The following MALT1 variants were observed in gnomAD, a reference collection of about 807,000 sequenced individuals.
MALT1 encodes the protein MALT1 paracaspase, also known as mucosa-associated lymphoid tissue lymphoma translocation protein 1.
Under a neutral mutation model 85.5 loss-of-function variants are expected in MALT1, and 36 were observed. The ratio of observed to expected loss-of-function variants is 0.42; its 90% CI spans 0.32 to 0.56. The LOEUF (loss-of-function observed/expected upper bound fraction) is 0.56. Ranked by LOEUF, MALT1 falls within the 20% of genes least tolerant of loss-of-function variation. The pLI is 0.10. For synonymous variants in MALT1, 359 were observed against 361.3 expected, an observed-to-expected ratio of 0.99 and a Z score of 0.07; for missense variants, 716 against 981.6, an observed-to-expected ratio of 0.73 and a Z score of 3.62.
At chr18:58,716,855 G>C (rs919890029) in intron 9 of MALT1, among the ~76,000 whole-genome samples, 1 of 151,652 alleles carries the variant, frequency 6.6e-6, no homozygotes, top group Non-Finnish European at 1.5e-5. Flanking sequence ...ATCAAAGAGA[G>C]GACAATTTAT....
chr18:58,686,514 A>T (rs1327086205), intron 2 of MALT1, among the ~76,000 whole-genome samples: 1 of 152,168 alleles, frequency 6.6e-6, no homozygotes, highest in Non-Finnish European at 1.5e-5. Context: ...GGATCTCATT[A>T]AGATGAATCC....
At chr18:58,707,481 T>C (rs2054769535) in intron 4 of MALT1, among the ~76,000 whole-genome samples, 1 of 152,116 alleles carries the variant, frequency 6.6e-6, no homozygotes, top group African/African-American at 2.4e-5. Context: ...AACGTGCAGG[T>C]TTGTTACATA....
In MALT1 at chr18:58,691,388, C is replaced by CA. The variant is rs1176771603; in HGVS notation, c.377-4976dup. On this transcript the variant is annotated intron_variant, in intron 2 of 16. Transcript: ENST00000649217. ...TGGCTCAGGCCCAGCTCCTCTGTGG[C>CA]AATGACACCAAGATCTCGGAGCAGC... 1.4e-5 allele frequency: 9 copies of CA among 621,474 alleles called. No individual in the cohort carries two copies. In the Admixed American group the frequency reaches 2.1e-4, roughly 15 times the overall value. 38.5% of individuals were successfully genotyped at this position (621,474 alleles called of 1,614,324 possible).
At chr18:58,685,464 G>A (rs2144321393) in intron 2 of MALT1, among the ~76,000 whole-genome samples, 1 of 152,308 alleles carries the variant, frequency 6.6e-6, no homozygotes, top group Admixed American at 6.5e-5. Flanking sequence ...TTGAGAAACT[G>A]ACCAAGTTTC....
chr18:58,733,773 AAC>A, intron 11 of MALT1, 199 bp downstream of exon 11: 1 of 744,308 alleles, frequency 1.3e-6, no homozygotes, highest in Non-Finnish European at 2.0e-6. Flanking sequence ...TTTGCTATAG[AAC>A]ACAAATGAAG....
intron 4 of MALT1, among the ~76,000 whole-genome samples, chr18:58,705,807 C>T (rs1195045147): frequency 6.6e-6 from 1 of 152,090 alleles, no homozygotes; most frequent in Non-Finnish European, 1.5e-5. Context: ...GTCTTCATAG[C>T]AGCATGATTT....
intron 4 of MALT1, among the ~76,000 whole-genome samples, chr18:58,708,670 G>A (rs2054791056): frequency 6.6e-6 from 1 of 152,162 alleles, no homozygotes; most frequent in Admixed American, 6.5e-5. Flanking sequence ...TAATCCTGAT[G>A]AATTAAGAGA....
At chr18:58,734,665 T>C in intron 12 of MALT1, 1 of 301,090 alleles carries the variant, frequency 3.3e-6, no homozygotes. Flanking sequence ...ACCTCCTTGA[T>C]ATTCTGCGTA....
intron 1 of MALT1, 170 bp downstream of exon 1, chr18:58,672,022 C>T (rs1429454899): frequency 2.4e-6 from 1 of 420,568 alleles, no homozygotes; most frequent in Non-Finnish European, 3.9e-6. Context: ...AGCAGCTCCC[C>T]GGAACGCCTG....
chr18:58,671,797 CG>C lies in MALT1; in HGVS notation c.158del (p.Gly53AlafsTer20). The C allele has an allele frequency of 8.0e-7, 1 of 1,250,232 alleles. No individual in the cohort carries two copies. The highest frequency in any genetic ancestry group is 3.1e-5 in the South Asian group (1 of 32,494). 77.4% of individuals were successfully genotyped at this position (1,250,232 alleles called of 1,614,324 possible). A position where few individuals can be genotyped will look rare whatever the true frequency, so the allele number is the denominator to read the frequency against. On this transcript the variant is annotated frameshift_variant, in exon 1 of 17. Transcript: ENST00000649217. LOFTEE classifies it high-confidence loss of function. The part of the protein sequence containing the change: ...SELLDQAPEG[R>X]GWRRLAELAG... ...GCTCCTGGATCAGGCGCCCGAGGGC[CG>C]GGGCTGGAGGAGACTGGCGGAGCTG...
intron 7 of MALT1, among the ~76,000 whole-genome samples, chr18:58,712,388 A>C (rs2054842582): frequency 6.6e-6 from 1 of 152,212 alleles, no homozygotes; most frequent in South Asian, 2.1e-4. Flanking sequence ...AAGGAATGAA[A>C]TGATGTCACT....
chr18:58,724,740 G>A (rs1203700819), intron 10 of MALT1, among the ~76,000 whole-genome samples: 1 of 152,184 alleles, frequency 6.6e-6, no homozygotes, highest in Non-Finnish European at 1.5e-5. Context: ...TGGGCATGGT[G>A]GCTCATGCCT....
Position 58,751,125 on chromosome 18 carries a change from ATAGC to A in MALT1, c.*3287_*3290del, listed in dbSNP as rs1336792541. The A allele has an allele frequency of 2.0e-5, 3 of 152,188 alleles. No individual in the cohort carries two copies. Among genetic ancestry groups the A allele is most frequent in the Admixed American group, 6.5e-5 (1 of 15,278 alleles). The allele number at this position is 152,188 out of a possible 1,614,324, so 9.4% of individuals were successfully genotyped here. On this transcript the variant is annotated 3_prime_UTR_variant, in exon 17 of 17. Coordinates refer to ENST00000649217, the MANE Select transcript of MALT1 (RefSeq NM_006785.4). ...ATGGGGTTGTTGAGCAGTTGAAATA[ATAGC>A]TAGTGTGAGGAACTGAACATAAAAT...
rs1260099636 is a variant in MALT1 at position 58,754,328 on chromosome 18, C to T, written c.*6486C>T. 6.6e-6 allele frequency: 1 copy of T among 152,214 alleles called. No homozygotes were observed. The highest frequency in any genetic ancestry group is 1.9e-4 in the East Asian group (1 of 5,206). The allele number at this position is 152,214 out of a possible 1,614,324, so 9.4% of individuals were successfully genotyped here. A position where few individuals can be genotyped will look rare whatever the true frequency, so the allele number is the denominator to read the frequency against. ...AAACATTATAGGAGCAGAAGTACAT[C>T]TCTAAATATACTTTTAGGTCACATT... On this transcript the variant is annotated 3_prime_UTR_variant, in exon 17 of 17. Coordinates refer to ENST00000649217, the MANE Select transcript of MALT1 (RefSeq NM_006785.4).
chr18:58,674,582 G>A (rs1345325364), intron 1 of MALT1, among the ~76,000 whole-genome samples: 1 of 152,170 alleles, frequency 6.6e-6, no homozygotes, highest in Non-Finnish European at 1.5e-5. Flanking sequence ...AACAGCACTG[G>A]GAGCTTGGGG....
At position 58,747,876 on chromosome 18, in the gene MALT1, A is replaced by G; in HGVS notation, c.*34A>G. ...TTTTTGAAAGTTAGCATAATTTTAG[A>G]TGCCTGTGAAATAGTACTGCACTTA... On this transcript the variant is annotated 3_prime_UTR_variant, in exon 17 of 17. Transcript: ENST00000649217. 6.4e-7 allele frequency: 1 copy of G among 1,553,644 alleles called. No homozygotes were observed. Among genetic ancestry groups the G allele is most frequent in the Non-Finnish European group, 8.8e-7 (1 of 1,133,082 alleles).
At chr18:58,684,677 C>A (rs1362047682) in intron 2 of MALT1, among the ~76,000 whole-genome samples, 1 of 151,146 alleles carries the variant, frequency 6.6e-6, no homozygotes, top group Non-Finnish European at 1.5e-5. Context: ...AACTTCCGAC[C>A]TCAGGTCATC....
chr18:58,734,128 A>G, intron 11 of MALT1, 179 bp from the exon 12 acceptor site: 1 of 1,314,638 alleles, frequency 7.6e-7, no homozygotes, highest in Non-Finnish European at 9.9e-7. Flanking sequence ...TAAAGCTAAC[A>G]AGGAGTTAGT....
At chr18:58,710,452 AG>A (rs937206809) in intron 6 of MALT1, among the ~76,000 whole-genome samples, 10 of 152,092 alleles carry the variant, frequency 6.6e-5, no homozygotes, top group African/African-American at 2.4e-4. Context: ...TGGAGGCCAA[AG>A]GTTGGTGGTT....
Sources: allele counts gnomAD v4.1 joint callset (sites outside exome capture counted in the v4.1 genomes callset), GRCh38; gene constraint gnomAD v4.1.1; transcripts MANE v1.5; gene names NCBI Gene and HGNC (gene_info 2026-07-23, HGNC 2026-07-21).